CDKN2B-AS1: variants seen among roughly 807,000 people sequenced by gnomAD.
CDKN2B-AS1 encodes CDKN2B and CDKN2A antisense cis and trans regulatory RNA 1, also known as CDKN2B antisense RNA 1 (non-protein coding).
rs999372706 is a variant in CDKN2B-AS1, at chr9:22,108,227, G to A, written n.439-18876G>A. 5.3e-5 allele frequency among the ~76,000 whole-genome samples: 8 copies of A among 152,092 alleles called. No individual in the cohort carries two copies. In the South Asian group the frequency reaches 1.7e-3, roughly 32 times the overall value. On this transcript the variant is annotated intron_variant and non_coding_transcript_variant, in intron 4 of 4. Coordinates refer to ENST00000650946, the Ensembl canonical transcript of CDKN2B-AS1. Reference sequence around the variant, plus strand: ...GAATAAGTCAGTTCTTCTCCGAATGGGCTCTGGAGATTGGCATTTGATTGA... The same window carrying A: ...GAATAAGTCAGTTCTTCTCCGAATGAGCTCTGGAGATTGGCATTTGATTGA...
intron 1 of CDKN2B-AS1, chr9:22,004,321 CCT>C (rs1797777493): frequency 4.3e-6 from 1 of 232,082 alleles, no homozygotes; most frequent in South Asian, 1.8e-4. Flanking sequence ...TGTTTCTGTT[CCT>C]TTTTTCTCTT....
chr9:22,009,856 A>G (rs946906257), intron 1 of CDKN2B-AS1, among the ~76,000 whole-genome samples: 10 of 152,198 alleles, frequency 6.6e-5, no homozygotes, highest in Non-Finnish European at 8.8e-5. Flanking sequence ...AACCATAAAA[A>G]TAGAGAAAAA....
intron 4 of CDKN2B-AS1, among the ~76,000 whole-genome samples, chr9:22,100,605 G>A (rs565345543): frequency 6.6e-6 from 1 of 151,484 alleles, no homozygotes; most frequent in South Asian, 2.1e-4. Context: ...TGACTTTTAT[G>A]AATAATGCTG....
chr9:22,009,279 C>A, intron 1 of CDKN2B-AS1: 1 of 497,212 alleles, frequency 2.0e-6, no homozygotes, highest in Non-Finnish European at 3.6e-6. Flanking sequence ...GCGGAGTCCT[C>A]ACTGCCCCGC....
At chr9:22,043,487 T>C (rs1822984717) in intron 1 of CDKN2B-AS1, among the ~76,000 whole-genome samples, 1 of 151,996 alleles carries the variant, frequency 6.6e-6, no homozygotes, top group African/African-American at 2.4e-5. Flanking sequence ...TGGGCACATA[T>C]TAATATACTT....
intron 1 of CDKN2B-AS1, among the ~76,000 whole-genome samples, chr9:22,026,329 C>T (rs1260536871): frequency 1.3e-5 from 2 of 152,008 alleles, no homozygotes. Flanking sequence ...TGGGAGGTCC[C>T]GCCTGTAAGG....
At position 22,005,322 on chromosome 9, in the gene CDKN2B-AS1, G is replaced by A; in HGVS notation, n.29+10161G>A. 4.2e-6 allele frequency: 1 copy of A among 237,838 alleles called. No individual in the cohort carries two copies. The highest frequency in any genetic ancestry group is 8.3e-6 in the Non-Finnish European group (1 of 120,984). The allele number at this position is 237,838 out of a possible 1,614,324, so 14.7% of individuals were successfully genotyped here. ...TCCAGGGATTTTAGCATCTGTCGTC[G>A]CTTGCACATCCTCTCTTACCCCTCT... On this transcript the variant is annotated intron_variant and non_coding_transcript_variant, in intron 1 of 4. Transcript: ENST00000650946. This position sits in a 1 kb window ranked among gnomAD's most constrained non-coding sequence, Gnocchi z 4.9.
At chr9:22,091,259 G>A (rs1017444037) in intron 4 of CDKN2B-AS1, among the ~76,000 whole-genome samples, 331 of 152,226 alleles carry the variant, frequency 2.2e-3, no homozygotes, top group Middle Eastern at 6.8e-3. Context: ...GTCAGGTAGC[G>A]TGATGCCTCC....
chr9:22,008,889 G>A (rs2131190404), intron 1 of CDKN2B-AS1: 2 of 1,612,534 alleles, frequency 1.2e-6, no homozygotes, highest in Non-Finnish European at 1.7e-6. Context: ...TCCCCGCGCC[G>A]CGGCGCTGGC....
In CDKN2B-AS1 at chr9:22,017,148, G is replaced by A. The variant is rs541839664; in HGVS notation, n.29+21987G>A. On this transcript the variant is annotated intron_variant and non_coding_transcript_variant, in intron 1 of 4. Transcript: ENST00000650946. ...TGGCATTTAAAATAAGGAAGTTGGC[G>A]AGGCGCAGTGGCTCACGCCTGTAAT... Among the ~76,000 whole-genome samples, 8 of 152,126 alleles carry A rather than the reference G, an allele frequency of 5.3e-5. No individual in the cohort carries two copies. In the East Asian group the frequency reaches 5.8e-4, roughly 11 times the overall value.
chr9:22,030,895 T>G (rs913770576), intron 1 of CDKN2B-AS1: 2 of 152,124 alleles, frequency 1.3e-5, no homozygotes, highest in Non-Finnish European at 2.9e-5. Context: ...GATGGATTCT[T>G]GTGGACAAAA....
At chr9:22,127,118 G>A (rs954456858) in exon 5 of CDKN2B-AS1, among the ~76,000 whole-genome samples, 1 of 151,958 alleles carries the variant, frequency 6.6e-6, no homozygotes, top group African/African-American at 2.4e-5. Context: ...GTGTCACTCT[G>A]TCGCCCAGGC....
chr9:22,098,155 C>CTGTGTGTG, intron 4 of CDKN2B-AS1, among the ~76,000 whole-genome samples: 1 of 132,660 alleles, frequency 7.5e-6, no homozygotes, highest in African/African-American at 4.1e-5. Flanking sequence ...CTCTCTCTGT[C>CTGTGTGTG]TCTGTGTGTG....
intron 4 of CDKN2B-AS1, chr9:22,120,249 G>C (rs1375663829): frequency 6.6e-6 from 1 of 152,172 alleles, no homozygotes; most frequent in Non-Finnish European, 1.5e-5. Flanking sequence ...AGCTATTGAG[G>C]CCTTTGCAGC....
chr9:22,054,927 T>G (rs1044896616), intron 3 of CDKN2B-AS1, among the ~76,000 whole-genome samples: 1 of 151,856 alleles, frequency 6.6e-6, no homozygotes, highest in Admixed American at 6.6e-5. Flanking sequence ...CACTTTTGTA[T>G]TTTTAGTAGA....
chr9:22,043,439 G>C (rs888406978), intron 1 of CDKN2B-AS1, among the ~76,000 whole-genome samples: 22 of 151,680 alleles, frequency 1.5e-4, no homozygotes, highest in African/African-American at 4.8e-4. Context: ...CACATGCGCT[G>C]TTTTGATTTT....
At chr9:22,113,429 A>G (rs944080610) in intron 4 of CDKN2B-AS1, among the ~76,000 whole-genome samples, 4 of 152,246 alleles carry the variant, frequency 2.6e-5, no homozygotes, top group African/African-American at 9.6e-5. Context: ...GGATTAGATT[A>G]CATCCGTCTG....
chr9:22,080,400 A>C (rs1297534934), intron 4 of CDKN2B-AS1, among the ~76,000 whole-genome samples: 2 of 152,248 alleles, frequency 1.3e-5, no homozygotes, highest in Non-Finnish European at 2.9e-5. Context: ...TTCTGAGCTA[A>C]AGATTCTGAG....
intron 4 of CDKN2B-AS1, among the ~76,000 whole-genome samples, chr9:22,087,413 C>A (rs1824900932): frequency 6.6e-6 from 1 of 152,198 alleles, no homozygotes; most frequent in South Asian, 2.1e-4. Context: ...TTGACTGAAT[C>A]TACCCTGGAA....
Sources: gnomAD v4.1 joint callset for allele counts (sites outside exome capture counted in the v4.1 genomes callset) on GRCh38, gnomAD v4.1.1 for gene constraint, Gnocchi (gnomAD v3.1) non-coding constraint, MANE v1.5 for transcripts, NCBI Gene and HGNC (gene_info 2026-07-23, HGNC 2026-07-21) for gene names.